The following ENOX2 variants were observed in gnomAD, a reference collection of about 807,000 sequenced individuals.
ENOX2 encodes the protein ecto-NOX disulfide-thiol exchanger 2.
ENOX2 carries 36 observed loss-of-function variants against 45.0 expected under a neutral mutation model. That is an observed-to-expected ratio of 0.80 (90% CI 0.61 to 1.06). ENOX2 has a LOEUF of 1.06. Ranked by LOEUF, ENOX2 falls within the 50% of genes least tolerant of loss-of-function variation. The pLI is 0.00. For missense variants in ENOX2, 423 were observed against 462.5 expected (o/e 0.91, Z 0.78); for synonymous variants, 174 against 152.3 (o/e 1.14, Z -1.05).
chrX:130,794,843 C>T (rs757255565), intron 2 of ENOX2, among the ~76,000 whole-genome samples: 7 of 112,193 alleles, frequency 6.2e-5, no homozygotes, highest in Admixed American at 1.9e-4. Context: ...GTTTATTCAG[C>T]CTTCATTAAC....
chrX:130,631,123 C>T (rs1356776786), intron 13 of ENOX2, among the ~76,000 whole-genome samples: 1 of 111,038 alleles, frequency 9.0e-6, no homozygotes, highest in Non-Finnish European at 1.9e-5. Context: ...ACGGTCTGCG[C>T]TAGCCCCCTG....
intron 3 of ENOX2, among the ~76,000 whole-genome samples, chrX:130,726,141 T>C (rs1056783231): frequency 8.9e-6 from 1 of 112,315 alleles, no homozygotes; most frequent in Admixed American, 9.4e-5. Flanking sequence ...CAGTTTCAGA[T>C]GGCATGTTAC....
At position 130,623,594 on chromosome X, in the gene ENOX2, A is replaced by G. The variant is rs1194574486; in HGVS notation, c.*1720T>C. 2.7e-5 allele frequency: 3 copies of G among 111,911 alleles called. No individual in the cohort carries two copies. Among genetic ancestry groups the G allele is most frequent in the Non-Finnish European group, 5.6e-5 (3 of 53,268 alleles). The allele number at this position is 111,911 out of a possible 1,213,427, so 9.2% of individuals were successfully genotyped here. A position where few individuals can be genotyped will look rare whatever the true frequency, so the allele number is the denominator to read the frequency against. ...TGGAAAGTTTCCCTTGATTTCATAG[A>G]TATTATTAAAATTAGGTATTCCAAG... On this transcript the variant is annotated 3_prime_UTR_variant, in exon 15 of 15. Coordinates refer to ENST00000394363, the MANE Select transcript of ENOX2 (RefSeq NM_006375.4).
At chrX:130,646,897 C>T (rs928152230) in intron 10 of ENOX2, among the ~76,000 whole-genome samples, 1 of 112,323 alleles carries the variant, frequency 8.9e-6, no homozygotes, top group Non-Finnish European at 1.9e-5. Context: ...GATGTTCTCT[C>T]TAGGCAGTTA....
At chrX:130,628,729 T>G (rs1030215474) in intron 13 of ENOX2, among the ~76,000 whole-genome samples, 1 of 112,266 alleles carries the variant, frequency 8.9e-6, no homozygotes, top group Non-Finnish European at 1.9e-5. Context: ...TATAGCAGTT[T>G]ACAGCCTCCA....
chrX:130,817,238 T>C (rs942170412), intron 2 of ENOX2, among the ~76,000 whole-genome samples: 2 of 111,892 alleles, frequency 1.8e-5, no homozygotes, highest in African/African-American at 6.5e-5. Context: ...AATCCCTGAA[T>C]AGACCAATAA....
chrX:130,787,629 C>T (rs2148405030), intron 2 of ENOX2, among the ~76,000 whole-genome samples: 1 of 111,543 alleles, frequency 9.0e-6, no homozygotes, highest in South Asian at 3.8e-4. Flanking sequence ...CAGTTATAGA[C>T]ATTTTATTAT....
At chrX:130,876,806 A>G (rs758603733) in intron 2 of ENOX2, among the ~76,000 whole-genome samples, 36 of 111,555 alleles carry the variant, frequency 3.2e-4, no homozygotes, top group Admixed American at 3.2e-3. Flanking sequence ...TAAGAGTAGG[A>G]GCTGAATAGA....
chrX:130,660,710 A>T (rs1352880107), intron 9 of ENOX2, among the ~76,000 whole-genome samples: 6 of 112,601 alleles, frequency 5.3e-5, no homozygotes, highest in Non-Finnish European at 7.5e-5. Context: ...TCTCTACCTG[A>T]AATTGACTGG....
At chrX:130,783,147 C>G (rs183571065) in intron 3 of ENOX2, among the ~76,000 whole-genome samples, 1 of 112,074 alleles carries the variant, frequency 8.9e-6, no homozygotes, top group African/African-American at 3.2e-5. Flanking sequence ...AAACCATTCA[C>G]TCATGCAATT....
intron 3 of ENOX2, among the ~76,000 whole-genome samples, chrX:130,725,309 A>G (rs1368150055): frequency 2.8e-5 from 3 of 107,420 alleles, no homozygotes; most frequent in Non-Finnish European, 5.7e-5. Flanking sequence ...TGAGTCGAGC[A>G]TGGATAGCTG....
At chrX:130,797,773 AT>A (rs2077156461) in intron 2 of ENOX2, among the ~76,000 whole-genome samples, 1 of 111,827 alleles carries the variant, frequency 8.9e-6, no homozygotes, top group Admixed American at 9.5e-5. Context: ...TTAAAAGGCA[AT>A]TGTTTTCTTT....
intron 2 of ENOX2, among the ~76,000 whole-genome samples, chrX:130,825,991 T>C (rs2077712431): frequency 9.0e-6 from 1 of 111,000 alleles, no homozygotes. Context: ...AGCTTTATCA[T>C]AGGTAGGTAT....
At chrX:130,752,787 T>A (rs1051616232) in intron 3 of ENOX2, among the ~76,000 whole-genome samples, 1 of 111,124 alleles carries the variant, frequency 9.0e-6, no homozygotes, top group African/African-American at 3.3e-5. Context: ...CAACTCTCTC[T>A]GTCTGAGTGA....
At chrX:130,715,997 G>A (rs1370456342) in intron 3 of ENOX2, among the ~76,000 whole-genome samples, 2 of 111,450 alleles carry the variant, frequency 1.8e-5, no homozygotes, top group East Asian at 5.6e-4. Flanking sequence ...ATGGAAAACA[G>A]GGGCCACTGG....
chrX:130,641,739 AAAGAG>A (rs2148044340), intron 10 of ENOX2, among the ~76,000 whole-genome samples: 1 of 109,551 alleles, frequency 9.1e-6, no homozygotes, highest in South Asian at 4.0e-4. Flanking sequence ...AAAAAAAAAA[AAAGAG>A]AGAATTATGC....
chrX:130,693,528 T>A (rs1199117066), intron 4 of ENOX2, among the ~76,000 whole-genome samples: 2 of 112,178 alleles, frequency 1.8e-5, no homozygotes, highest in Non-Finnish European at 3.8e-5. Context: ...CTAATTCTAA[T>A]GCCCTTAACC....
At chrX:130,785,774 C>A (rs2076960750) in intron 2 of ENOX2, among the ~76,000 whole-genome samples, 1 of 112,254 alleles carries the variant, frequency 8.9e-6, no homozygotes, top group Admixed American at 9.4e-5. Context: ...CTTGGAATTT[C>A]TTTCTGAAAT....
intron 3 of ENOX2, among the ~76,000 whole-genome samples, chrX:130,708,381 T>TGA (rs1201761436): frequency 8.9e-6 from 1 of 111,830 alleles, no homozygotes; most frequent in African/African-American, 3.3e-5. Context: ...ATAATGAAAC[T>TGA]GAGGCACAGA....
Sources: allele counts gnomAD v4.1 joint callset (sites outside exome capture counted in the v4.1 genomes callset), GRCh38; gene constraint gnomAD v4.1.1; transcripts MANE v1.5; gene names NCBI Gene and HGNC (gene_info 2026-07-23, HGNC 2026-07-21).